SYNJ2: variants seen among roughly 807,000 people sequenced by gnomAD.
SYNJ2 encodes polyphosphatidylinositol phosphatase SYNJ2.
In SYNJ2, 116 loss-of-function variants were observed where a neutral mutation model predicts 141.3. The observed-to-expected ratio is 0.82, with a 90% CI of 0.71 to 0.96. SYNJ2 has a LOEUF of 0.96. SYNJ2 is among the 40% of genes least tolerant of loss of function. The pLI is 0.00. For synonymous variants in SYNJ2, 745 were observed against 777.7 expected, an observed-to-expected ratio of 0.96 and a Z score of 0.70; for missense variants, 1,873 against 1,934.8, an observed-to-expected ratio of 0.97 and a Z score of 0.60.
chr6:158,037,230 GGAGA>G (rs1170067606), intron 4 of SYNJ2, among the ~76,000 whole-genome samples: 1 of 151,844 alleles, frequency 6.6e-6, no homozygotes, highest in African/African-American at 2.4e-5. Context: ...GTCCCCCTGG[GGAGA>G]ACCCTTCTGA....
intron 1 of SYNJ2, among the ~76,000 whole-genome samples, chr6:158,000,064 C>CTTTTTTTTTTTTTTTTTTTTT (rs58284240): frequency 1.2e-5 from 1 of 85,600 alleles, no homozygotes. Flanking sequence ...AGCCAAAAGG[C>CTTTTTTTTTTTTTTTTTTTTT]TTTTTTTTTT....
chr6:157,992,163 GTTAAA>G (rs1200752073), intron 1 of SYNJ2, among the ~76,000 whole-genome samples: 1 of 152,096 alleles, frequency 6.6e-6, no homozygotes, highest in African/African-American at 2.4e-5. Context: ...AAAATGTACA[GTTAAA>G]TTATATAGTC....
intron 4 of SYNJ2, among the ~76,000 whole-genome samples, chr6:158,042,145 G>A (rs138099848): frequency 2.0e-5 from 3 of 152,242 alleles, no homozygotes; most frequent in South Asian, 2.1e-4. Context: ...GTCTGTAGCC[G>A]TTCAAGCAAC....
chr6:158,083,781 C>G (rs1750037), intron 21 of SYNJ2, among the ~76,000 whole-genome samples, 184 bp downstream of exon 21: 129,363 of 152,176 alleles, frequency 0.85, 55,888 homozygotes, highest in African/African-American at 0.96. Context: ...ACCTGGGACC[C>G]GAGGCATCTA....
chr6:157,988,816 G>A (rs1464613692), intron 1 of SYNJ2, among the ~76,000 whole-genome samples: 2 of 152,150 alleles, frequency 1.3e-5, no homozygotes, highest in African/African-American at 2.4e-5. Context: ...AAATTGGGTT[G>A]GGAGGGTGCA....
chr6:158,028,934 C>T lies in SYNJ2; in HGVS notation c.393C>T (p.Phe131=). 6.2e-7 allele frequency: 1 copy of T among 1,614,138 alleles called. No homozygotes were observed. The highest frequency in any genetic ancestry group is 8.5e-7 in the Non-Finnish European group (1 of 1,180,032). ...TCCTCAGCTCGGGGGTGTTCTATTT[C>T]TCATGGCCAAACGATGGGTCTCGCT... is the stretch of plus-strand genomic sequence containing the variant. ...KKILSSGVFY[F]SWPNDGSRFD... is the part of the protein sequence containing the mutation. Residue 131 remains phenylalanine, a synonymous_variant, in exon 3 of 27, where the codon TTC becomes TTT. Transcript: ENST00000355585.
chr6:158,006,352 T>C (rs1337199134), intron 1 of SYNJ2, among the ~76,000 whole-genome samples: 1 of 152,162 alleles, frequency 6.6e-6, no homozygotes, highest in Non-Finnish European at 1.5e-5. Flanking sequence ...CCCCTCAACT[T>C]TACTGAAACT....
chr6:158,051,486 T>A (rs1267994204), intron 5 of SYNJ2, among the ~76,000 whole-genome samples: 1 of 151,522 alleles, frequency 6.6e-6, no homozygotes, highest in Non-Finnish European at 1.5e-5. Context: ...AGGACAGAGG[T>A]AACACAGGCA....
Position 158,095,911 on chromosome 6 carries a change from G to T in SYNJ2, c.4038G>T (p.Leu1346=), listed in dbSNP as rs745476099. The T allele has an allele frequency of 1.2e-6, 2 of 1,614,094 alleles. No individual in the cohort carries two copies. Among genetic ancestry groups the T allele is most frequent in the Non-Finnish European group, 8.5e-7 (1 of 1,180,004 alleles). ...RKKSAPAAFH[L]QVLQSNSQLL... ...AGTCAGCCCCCGCAGCCTTCCACCT[G>T]CAGGTCCTGCAGAGCAACAGCCAGC... Residue 1346 remains leucine (L), a synonymous_variant, in exon 27 of 27, where the codon CTG becomes CTT. Transcript: ENST00000355585.
At chr6:158,074,047 C>G (rs900925774) in intron 15 of SYNJ2, among the ~76,000 whole-genome samples, 1 of 151,866 alleles carries the variant, frequency 6.6e-6, no homozygotes, top group African/African-American at 2.4e-5. Flanking sequence ...AGGCAAGGAC[C>G]CCAGGAGCTC....
intron 6 of SYNJ2, among the ~76,000 whole-genome samples, chr6:158,058,614 C>T (rs1242734098): frequency 6.6e-6 from 1 of 152,180 alleles, no homozygotes; most frequent in African/African-American, 2.4e-5. Flanking sequence ...ATTCATTTCA[C>T]ACATGTGCAC....
rs183172819 is a variant in SYNJ2 at position 158,048,977 on chromosome 6, G to A, written c.795+5578G>A. Among the ~76,000 whole-genome samples the A allele has an allele frequency of 4.6e-5, 7 of 152,248 alleles. No homozygotes were observed. In the East Asian group the frequency reaches 1.4e-3, roughly 29 times the overall value. ...GTTTGGAGGGGAAAGACACCAGATG[G>A]GAGGCCGTTGAGCTGAGATTTTTGG... On this transcript the variant is annotated intron_variant, in intron 5 of 26. Coordinates refer to ENST00000355585, the MANE Select transcript of SYNJ2 (RefSeq NM_003898.4).
chr6:158,004,349 A>G (rs191451559), intron 1 of SYNJ2, among the ~76,000 whole-genome samples: 7 of 152,232 alleles, frequency 4.6e-5, no homozygotes. Context: ...AACCCACCAA[A>G]ACCAAGATGG....
At chr6:158,012,887 T>G (rs9365716) in intron 1 of SYNJ2, among the ~76,000 whole-genome samples, 106,906 of 152,004 alleles carry the variant, frequency 0.7, 38,066 homozygotes, top group African/African-American at 0.77. Flanking sequence ...TCTGCTGCTC[T>G]CAGAGGTTGA....
At chr6:158,029,429 G>A (rs1233373694) in intron 3 of SYNJ2, 1 of 159,928 alleles carries the variant, frequency 6.3e-6, no homozygotes, top group African/African-American at 2.4e-5. Context: ...GCTGGGCGTG[G>A]TGGCAGGTGC....
At position 157,989,434 on chromosome 6, in the gene SYNJ2, A is replaced by C. The variant is rs1351606167; in HGVS notation, c.127+7346A>C. On this transcript the variant is annotated intron_variant, in intron 1 of 26. Transcript: ENST00000355585. Reference sequence around the variant, plus strand: ...TTCTTATGTAAAAAAATGAATATATATATATATATATATATATATATATAT... The same window carrying C: ...TTCTTATGTAAAAAAATGAATATATCTATATATATATATATATATATATAT... 9.8e-5 allele frequency among the ~76,000 whole-genome samples: 5 copies of C among 51,010 alleles called. No individual in the cohort carries two copies. The East Asian group carries it at 2.8e-3, about 29-fold the overall frequency. 33.5% of individuals were successfully genotyped at this position (51,010 alleles called of 152,430 possible).
In SYNJ2 at chr6:158,064,912, G is replaced by T. The variant is rs144218638; in HGVS notation, c.1446G>T (p.Lys482Asn). The T allele has an allele frequency of 1.2e-6, 2 of 1,613,742 alleles. No homozygotes were observed. The highest frequency in any genetic ancestry group is 2.7e-5 in the African/African-American group (2 of 74,956). ...FFDGVKQEAI[K>N]LLLVGDVYGE... ...ACGGGGTGAAGCAGGAGGCCATCAA[G>T]CTGCTGCTGGTTGGGGACGTCTACG... Residue 482 changes from lysine to asparagine, a missense_variant, in exon 11 of 27, where the codon AAG (lysine) becomes AAT (asparagine). By Grantham distance (94) the Lys-to-Asn change is moderately conservative. Coordinates refer to ENST00000355585, the MANE Select transcript of SYNJ2 (RefSeq NM_003898.4).
chr6:158,074,635 G>T lies in SYNJ2; in HGVS notation c.2189G>T (p.Arg730Leu), dbSNP rs1424035186. ...YVFWCGDFNY[R>L]IDLTYEEVFY... ...TTTTGGTGTGGCGATTTCAACTACC[G>T]CATTGATCTTACTTATGAAGAAGTC... The change falls in exon 16 of 27, where the codon CGC becomes CTC. Residue 730 changes from arginine to leucine, a missense_variant. Physicochemically the swap from Arg to Leu is moderately radical, Grantham distance 102 (BLOSUM62 -2). Transcript: ENST00000355585. 6.2e-7 allele frequency: 1 copy of T among 1,613,928 alleles called. No homozygotes were observed. Among genetic ancestry groups the T allele is most frequent in the Non-Finnish European group, 8.5e-7 (1 of 1,179,954 alleles).
intron 18 of SYNJ2, among the ~76,000 whole-genome samples, chr6:158,079,976 A>G (rs1782567830): frequency 6.6e-6 from 1 of 152,114 alleles, no homozygotes; most frequent in Non-Finnish European, 1.5e-5. Flanking sequence ...GAGTCGAGCT[A>G]TTTTCAATCA....
Sources: gnomAD v4.1 joint callset for allele counts (sites outside exome capture counted in the v4.1 genomes callset) on GRCh38, gnomAD v4.1.1 for gene constraint, MANE v1.5 for transcripts, NCBI Gene and HGNC (gene_info 2026-07-23, HGNC 2026-07-21) for gene names.